AGBL1: variants seen among roughly 807,000 people sequenced by gnomAD.
AGBL1 encodes AGBL carboxypeptidase 1.
Under a neutral mutation model 118.9 loss-of-function variants are expected in AGBL1, and 130 were observed. That is an observed-to-expected ratio of 1.09 (90% confidence interval 0.95 to 1.26). The LOEUF is 1.26. Ranked by LOEUF, AGBL1 falls within the 50% of genes most tolerant of loss-of-function variation. The pLI is 0.00. For missense variants in AGBL1, 1,584 were observed against 1,298.1 expected (o/e 1.22, Z -3.38); for synonymous variants, 555 against 478.9 (o/e 1.16, Z -2.08).
chr15:86,178,584 G>T (rs1368357029), intron 5 of AGBL1, among the ~76,000 whole-genome samples: 1 of 152,154 alleles, frequency 6.6e-6, no homozygotes, highest in Non-Finnish European at 1.5e-5. Context: ...TGAATTGAAT[G>T]TATGGTTAAA....
chr15:86,993,306 G>C (rs977321762), intron 24 of AGBL1, among the ~76,000 whole-genome samples: 3 of 151,848 alleles, frequency 2.0e-5, no homozygotes, highest in African/African-American at 7.3e-5. Flanking sequence ...TTTCTTCTTT[G>C]CCCTTTATTC....
intron 7 of AGBL1, among the ~76,000 whole-genome samples, chr15:86,256,278 C>A (rs1332386113): frequency 2.6e-5 from 4 of 152,100 alleles, no homozygotes; most frequent in African/African-American, 7.2e-5. Flanking sequence ...GGGAAGGTAC[C>A]AAGAGGGATC....
chr15:86,629,208 A>G (rs1341601130), intron 21 of AGBL1, among the ~76,000 whole-genome samples: 1 of 152,120 alleles, frequency 6.6e-6, no homozygotes, highest in East Asian at 1.9e-4. Context: ...TTTACATTCC[A>G]ATAAACATTT....
intron 9 of AGBL1, among the ~76,000 whole-genome samples, chr15:86,260,432 G>T (rs951170846): frequency 2.0e-5 from 3 of 152,242 alleles, no homozygotes; most frequent in African/African-American, 7.2e-5. Flanking sequence ...CGTATTAGAT[G>T]TGGGCTGTCT....
At chr15:86,167,267 A>G (rs114025233) in intron 5 of AGBL1, among the ~76,000 whole-genome samples, 60 of 145,936 alleles carry the variant, frequency 4.1e-4, no homozygotes, top group Non-Finnish European at 6.7e-4. Flanking sequence ...TTTTTTTGAG[A>G]TCAAGTCTCA....
intron 5 of AGBL1, among the ~76,000 whole-genome samples, chr15:86,200,080 G>T (rs1486447065): frequency 6.6e-6 from 1 of 152,136 alleles, no homozygotes; most frequent in African/African-American, 2.4e-5. Flanking sequence ...GCTGTTAATT[G>T]TTATACACGT....
At chr15:86,858,502 G>A (rs1377084851) in intron 22 of AGBL1, among the ~76,000 whole-genome samples, 2 of 150,000 alleles carry the variant, frequency 1.3e-5, no homozygotes, top group Non-Finnish European at 3.0e-5. Context: ...GTGTGTAAGG[G>A]AGCAGGAGAC....
At chr15:86,209,188 T>C (rs2141880021) in intron 5 of AGBL1, among the ~76,000 whole-genome samples, 1 of 152,314 alleles carries the variant, frequency 6.6e-6, no homozygotes, top group African/African-American at 2.4e-5. Context: ...AGACAGTTTG[T>C]TGTGATTTCT....
intron 18 of AGBL1, among the ~76,000 whole-genome samples, chr15:86,504,706 T>C (rs1397392345): frequency 1.3e-5 from 2 of 151,702 alleles, no homozygotes; most frequent in African/African-American, 4.8e-5. Flanking sequence ...CCTTTCTTTG[T>C]GCTATTATCA....
intron 19 of AGBL1, among the ~76,000 whole-genome samples, chr15:86,524,588 T>C (rs564925162): frequency 6.6e-6 from 1 of 152,280 alleles, no homozygotes; most frequent in South Asian, 2.1e-4. Flanking sequence ...ACGTGGCTGA[T>C]CTTAGTTACT....
chr15:86,676,119 C>T (rs1370250784), intron 22 of AGBL1, among the ~76,000 whole-genome samples: 1 of 152,182 alleles, frequency 6.6e-6, no homozygotes, highest in East Asian at 1.9e-4. Context: ...CCCATGACCT[C>T]TGACCTTTCC....
intron 22 of AGBL1, among the ~76,000 whole-genome samples, chr15:86,683,942 C>A (rs1248037911): frequency 2.6e-5 from 4 of 152,074 alleles, no homozygotes; most frequent in Non-Finnish European, 5.9e-5. Flanking sequence ...ATTCTTATTT[C>A]TTTTTATTAA....
chr15:86,385,774 C>T (rs1030803540), intron 17 of AGBL1, among the ~76,000 whole-genome samples: 6 of 152,130 alleles, frequency 3.9e-5, no homozygotes, highest in East Asian at 1.9e-4. Context: ...TTCTGATGGG[C>T]GACCACTATC....
At chr15:86,083,591 G>A (rs1317264242) in intron 1 of AGBL1, 2 of 152,204 alleles carry the variant, frequency 1.3e-5, no homozygotes, top group African/African-American at 4.8e-5. Flanking sequence ...TGCAGGATGT[G>A]GGGCTTCCTG....
chr15:86,860,397 T>A (rs950207665), intron 22 of AGBL1, among the ~76,000 whole-genome samples: 1 of 151,234 alleles, frequency 6.6e-6, no homozygotes, highest in Non-Finnish European at 1.5e-5. Flanking sequence ...TTTCTCTTTT[T>A]CTCCTGGAAT....
intron 18 of AGBL1, among the ~76,000 whole-genome samples, chr15:86,426,399 G>T (rs746062251): frequency 6.6e-6 from 1 of 152,190 alleles, no homozygotes; most frequent in Non-Finnish European, 1.5e-5. Flanking sequence ...CATATATTTT[G>T]TGTCTACCAG....
At chr15:86,736,246 G>T (rs1249362765) in intron 22 of AGBL1, among the ~76,000 whole-genome samples, 1 of 152,046 alleles carries the variant, frequency 6.6e-6, no homozygotes, top group Non-Finnish European at 1.5e-5. Context: ...TGGGTGCGGT[G>T]GTGCATGCCT....
At chr15:86,449,873 C>T (rs6496333) in intron 18 of AGBL1, among the ~76,000 whole-genome samples, 100,393 of 151,928 alleles carry the variant, frequency 0.66, 34,913 homozygotes, top group East Asian at 0.87. Flanking sequence ...GCTATGATGG[C>T]CAGTGACATC....
intron 23 of AGBL1, among the ~76,000 whole-genome samples, chr15:86,985,869 C>CT (rs140458463): frequency 3.1e-4 from 47 of 151,578 alleles, no homozygotes; most frequent in Non-Finnish European, 5.9e-4. Flanking sequence ...TTCGAGTTCG[C>CT]TTTTGTATGC....
Sources: allele counts gnomAD v4.1 joint callset (sites outside exome capture counted in the v4.1 genomes callset), GRCh38; gene constraint gnomAD v4.1.1; transcripts MANE v1.5; gene names NCBI Gene and HGNC (gene_info 2026-07-23, HGNC 2026-07-21).